LRRC9: variants seen among roughly 807,000 people sequenced by gnomAD.
LRRC9 encodes leucine-rich repeat-containing protein 9.
Under a neutral mutation model 63.2 loss-of-function variants are expected in LRRC9, and 122 were observed. The observed-to-expected ratio is 1.93, with a 90% CI of 1.67 to 2.24. The LOEUF (loss-of-function observed/expected upper bound fraction) is 2.24, where lower values mean the gene tolerates loss of function less well. Among genes scored for constraint, LRRC9 ranks in the 30% most tolerant of loss-of-function variants. The probability of loss-of-function intolerance (pLI) is 0.00; values close to 1 mark genes in which losing one functional copy is unlikely to be tolerated. For missense variants in LRRC9, 1,071 were observed against 627.7 expected (o/e 1.71, Z -7.55); for synonymous variants, 366 against 213.1 (o/e 1.72, Z -6.25).
rs1468613759 is a variant in LRRC9 at position 60,058,247 on chromosome 14, A to G, written c.4276+225A>G. On this transcript the variant is annotated intron_variant, in intron 31 of 31. Coordinates refer to ENST00000445360, the Ensembl canonical transcript of LRRC9. The surrounding 1 kb of genome is among the most constrained non-coding windows in gnomAD (Gnocchi z 4.4). Reference sequence around the variant, plus strand: ...TGTACTCAGCTACTAGCATGTTGTGACTAAACATTTGCTCACTTGCAATGT... The same window carrying G: ...TGTACTCAGCTACTAGCATGTTGTGGCTAAACATTTGCTCACTTGCAATGT... 6.6e-6 allele frequency among the ~76,000 whole-genome samples: 1 copy of G among 152,102 alleles called. No homozygotes were observed. The highest frequency in any genetic ancestry group is 1.5e-5 in the Non-Finnish European group (1 of 68,008).
At chr14:59,996,368 A>T (rs1888791752) in intron 17 of LRRC9, among the ~76,000 whole-genome samples, 2 of 152,172 alleles carry the variant, frequency 1.3e-5, no homozygotes, top group African/African-American at 4.8e-5. Flanking sequence ...TTAGGTTTTA[A>T]TTCAACTCTT....
At chr14:60,048,085 T>C (rs191661154) in intron 29 of LRRC9, among the ~76,000 whole-genome samples, 65 of 152,292 alleles carry the variant, frequency 4.3e-4, no homozygotes, top group African/African-American at 1.5e-3. Flanking sequence ...AAGAAGTTCT[T>C]TGAAACTAAT....
intron 29 of LRRC9, among the ~76,000 whole-genome samples, chr14:60,048,500 T>C (rs1893623556): frequency 6.6e-6 from 1 of 152,128 alleles, no homozygotes; most frequent in Non-Finnish European, 1.5e-5. Context: ...CATCAGAGAA[T>C]ACTATAAACA....
Position 59,923,112 on chromosome 14 carries a change from C to T in LRRC9, c.-34+3229C>T, listed in dbSNP as rs1303978520. ...TACAAGCTGGCCAACAGGACATTCA[C>T]CTCTTGATGAATTCAGTAACTTCAT... On this transcript the variant is annotated intron_variant, in intron 1 of 31. Transcript: ENST00000445360. This position sits in a 1 kb window ranked among gnomAD's most constrained non-coding sequence, Gnocchi z 4.2. Among the ~76,000 whole-genome samples the T allele has an allele frequency of 1.3e-5, 2 of 152,188 alleles. No homozygotes were observed. Among genetic ancestry groups the T allele is most frequent in the Admixed American group, 1.3e-4 (2 of 15,290 alleles).
At chr14:59,972,437 T>C (rs1220839736) in intron 12 of LRRC9, among the ~76,000 whole-genome samples, 2 of 152,108 alleles carry the variant, frequency 1.3e-5, no homozygotes, top group Admixed American at 6.6e-5. Flanking sequence ...GAACTCTAAG[T>C]AGTCTTTCTT....
intron 23 of LRRC9, among the ~76,000 whole-genome samples, chr14:60,014,641 G>GT (rs1487009501): frequency 6.6e-6 from 1 of 151,696 alleles, no homozygotes; most frequent in Non-Finnish European, 1.5e-5. Context: ...TCCTTTATAG[G>GT]TAAGATTTAA....
At chr14:60,057,653 G>GAAAAAA (rs34584505) in intron 30 of LRRC9, 2 of 223,036 alleles carry the variant, frequency 9.0e-6, no homozygotes, top group Non-Finnish European at 1.7e-5. Flanking sequence ...AATGCAGTCT[G>GAAAAAA]AAAAAAAAAA....
rs1277727045 is a variant in LRRC9 at position 59,966,764 on chromosome 14, G to A, written c.1387G>A (p.Glu463Lys). The change falls in exon 11 of 32, where the codon GAG becomes AAG. Residue 463 changes from glutamate (E) to lysine (K), a missense_variant and splice_region_variant. Coordinates refer to ENST00000445360, the Ensembl canonical transcript of LRRC9. This position sits in a 1 kb window ranked among gnomAD's most constrained non-coding sequence, Gnocchi z 4.0. Reference sequence around the variant, plus strand: ...GGAGAATGAAGATATGCATGATTCAGAGTAAGAAGCTGAATTCTTTATGGA... The same window carrying A: ...GGAGAATGAAGATATGCATGATTCAAAGTAAGAAGCTGAATTCTTTATGGA... 1.4e-5 allele frequency: 9 copies of A among 629,374 alleles called. No individual in the cohort carries two copies. The African/African-American group carries it at 1.6e-4, about 11-fold the overall frequency. 39.0% of individuals were successfully genotyped at this position (629,374 alleles called of 1,614,324 possible).
At chr14:59,996,306 C>T (rs1444754181) in intron 17 of LRRC9, among the ~76,000 whole-genome samples, 1 of 151,850 alleles carries the variant, frequency 6.6e-6, no homozygotes, top group African/African-American at 2.4e-5. Flanking sequence ...TTTGCTAATG[C>T]TTGCTTCTGA....
At chr14:60,040,718 G>A (rs1309096205) in intron 29 of LRRC9, among the ~76,000 whole-genome samples, 1 of 151,822 alleles carries the variant, frequency 6.6e-6, no homozygotes, top group African/African-American at 2.4e-5. Context: ...TATCCAATTT[G>A]CCAGTCTGTG....
intron 12 of LRRC9, among the ~76,000 whole-genome samples, chr14:59,972,193 T>C (rs1428478304): frequency 6.6e-6 from 1 of 152,144 alleles, no homozygotes; most frequent in Non-Finnish European, 1.5e-5. Context: ...GTAACAGACT[T>C]ACTGATCCTT....
intron 30 of LRRC9, among the ~76,000 whole-genome samples, chr14:60,057,132 G>C (rs1894345230): frequency 6.6e-6 from 1 of 152,098 alleles, no homozygotes; most frequent in Non-Finnish European, 1.5e-5. Context: ...TAGATAAACA[G>C]AAAAGGCCTC....
At chr14:60,066,740 C>G (rs1026973776), downstream of LRRC9, among the ~76,000 whole-genome samples, 3 of 152,154 alleles carry the variant, frequency 2.0e-5, no homozygotes, top group Admixed American at 2.0e-4. Context: ...CAAGTTTTTA[C>G]TTTACAAATA....
rs143122171 is a variant in LRRC9 at position 60,055,006 on chromosome 14, C to T, written c.4131+1801C>T. Among the ~76,000 whole-genome samples the T allele has an allele frequency of 3.4e-3, 520 of 152,314 alleles. 18 individuals are homozygous for T. In the East Asian group the frequency reaches 0.058, roughly 17 times the overall value. ...AACTCCTAACCTTAGGCAATCCACC[C>T]GCCTTGGCCTCCCAAAGTGCTGGGA... is the stretch of plus-strand genomic sequence containing the variant. On this transcript the variant is annotated intron_variant, in intron 30 of 31. Transcript: ENST00000445360.
At chr14:59,952,156 C>T (rs1261555653) in intron 8 of LRRC9, among the ~76,000 whole-genome samples, 6 of 151,856 alleles carry the variant, frequency 4.0e-5, no homozygotes, top group East Asian at 3.9e-4. Context: ...AGCGAGATTC[C>T]GTGGGCGTAG....
chr14:59,940,777 C>CT (rs904392752), intron 7 of LRRC9, among the ~76,000 whole-genome samples: 2 of 151,942 alleles, frequency 1.3e-5, no homozygotes, highest in South Asian at 2.1e-4. Context: ...ACTTTGAATT[C>CT]TTTTTTGGCC....
chr14:60,033,615 A>G (rs1417808799), intron 29 of LRRC9, among the ~76,000 whole-genome samples: 2 of 152,130 alleles, frequency 1.3e-5, no homozygotes. Flanking sequence ...CCTGGGATGA[A>G]TACTTCTTGG....
At chr14:59,977,829 A>T (rs1054562612) in intron 14 of LRRC9, among the ~76,000 whole-genome samples, 188 bp from the exon 15 acceptor site, 8 of 152,112 alleles carry the variant, frequency 5.3e-5, no homozygotes, top group Admixed American at 3.3e-4. Context: ...GAAAGAAAAA[A>T]TCCTCAATAA....
At chr14:60,019,255 A>G in exon 26 of LRRC9, 1 of 689,286 alleles carries the variant, frequency 1.5e-6, no homozygotes. Context: ...TTTCAAAAAC[A>G]AACAGGTAGT....
Sources: allele counts gnomAD v4.1 joint callset (sites outside exome capture counted in the v4.1 genomes callset), GRCh38; gene constraint gnomAD v4.1.1; non-coding constraint Gnocchi (gnomAD v3.1); transcripts MANE v1.5; gene names NCBI Gene and HGNC (gene_info 2026-07-23, HGNC 2026-07-21).